SLC6A18: variants seen among roughly 807,000 people sequenced by gnomAD.
The protein encoded by SLC6A18 is inactive sodium-dependent neutral amino acid transporter B(0)AT3.
A neutral mutation model predicts 62.9 loss-of-function variants in SLC6A18; 58 were observed. The observed-to-expected ratio is 0.92, with a 90% CI of 0.75 to 1.15. The LOEUF (loss-of-function observed/expected upper bound fraction) is 1.15. Ranked by LOEUF, SLC6A18 falls within the 50% of genes most tolerant of loss-of-function variation. The probability of loss-of-function intolerance (pLI) is 0.00; values close to 1 mark genes in which losing one functional copy is unlikely to be tolerated. For missense variants in SLC6A18, 793 were observed against 836.6 expected, an observed-to-expected ratio of 0.95 and a Z score of 0.64; for synonymous variants, 382 against 365.8, an observed-to-expected ratio of 1.04 and a Z score of -0.51.
chr5:1,243,048 C>T lies in SLC6A18; in HGVS notation c.1131+185C>T, dbSNP rs981601491. 6.6e-6 allele frequency among the ~76,000 whole-genome samples: 1 copy of T among 152,226 alleles called. No individual in the cohort carries two copies. Among genetic ancestry groups the T allele is most frequent in the African/African-American group, 2.4e-5 (1 of 41,458 alleles). On this transcript the variant is annotated intron_variant, in intron 8 of 11. Transcript: ENST00000324642. The surrounding 1 kb of genome is among the most constrained non-coding windows in gnomAD (Gnocchi z 6.5). ...CAGGCCTCCTGGAAAGCCCGAAGTC[C>T]TGGGGGCAGCTGTGTCCAGCAGACG...
chr5:1,239,536 C>G lies in SLC6A18; in HGVS notation c.819C>G (p.Ile273Met), dbSNP rs372856146. The change falls in exon 6 of 12, where the codon ATC (isoleucine) becomes ATG (methionine). Residue 273 changes from isoleucine to methionine, a missense_variant. Ile to Met is a conservative substitution (Grantham distance 10). Transcript: ENST00000324642. ...TGTCCCTGGCCTTCGGAGGACACAT[C>G]GCTTTTGCAAGTTACAACTCGCCCA... ...FSLSLAFGGH[I>M]AFASYNSPRN... The G allele has an allele frequency of 4.3e-6, 7 of 1,613,986 alleles. No homozygotes were observed. In the African/African-American group the frequency reaches 8.0e-5, roughly 18 times the overall value.
Position 1,225,514 on chromosome 5 carries a change from G to A in SLC6A18, c.37G>A (p.Asp13Asn), listed in dbSNP as rs148200333. The change falls in exon 1 of 12, where the codon GAC becomes AAC. Residue 13 changes from aspartate (D) to asparagine (N), a missense_variant. By Grantham distance (23) the Asp-to-Asn change is conservative (BLOSUM62 1). Coordinates refer to ENST00000324642, the MANE Select transcript of SLC6A18 (RefSeq NM_182632.3). ...HAPEPDPAACDLGDERPKWDN... is the reference protein window; with the variant it reads ...HAPEPDPAACNLGDERPKWDN... ...CCCAGAACCGGACCCGGCCGCCTGC[G>A]ACCTCGGGGATGAGAGGCCCAAGTG... The A allele has an allele frequency of 6.2e-6, 10 of 1,613,408 alleles. No homozygotes were observed. Among genetic ancestry groups the A allele is most frequent in the Middle Eastern group, 1.7e-4 (1 of 5,978 alleles).
At chr5:1,232,013 T>C (rs1041291250) in intron 1 of SLC6A18, among the ~76,000 whole-genome samples, 2 of 152,218 alleles carry the variant, frequency 1.3e-5, no homozygotes, top group Non-Finnish European at 2.9e-5. Flanking sequence ...GCCCTCTTGA[T>C]GAGAGGTCTC....
intron 1 of SLC6A18, among the ~76,000 whole-genome samples, chr5:1,228,715 TATAAAA>T (rs954885725): frequency 6.6e-6 from 1 of 152,082 alleles, no homozygotes; most frequent in Non-Finnish European, 1.5e-5. Context: ...CCATAAAAAA[TATAAAA>T]ATTAGCCGGG....
At chr5:1,239,638 C>A in intron 6 of SLC6A18, 76 bp downstream of exon 6, 1 of 1,131,634 alleles carries the variant, frequency 8.8e-7, no homozygotes, top group Non-Finnish European at 1.3e-6. Context: ...CTCAGGATCA[C>A]ACTGTGGATC....
rs145619230 is a variant in SLC6A18 at position 1,242,764 on chromosome 5, C to A, written c.1032C>A (p.Asp344Glu). 5.5e-5 allele frequency: 89 copies of A among 1,613,920 alleles called. 1 individual carries two copies. In the South Asian group the frequency reaches 9.1e-4, roughly 17 times the overall value. ...TCCCAGAGCAGAGCATCTCCAGGGA[C>A]GACTACCCAGCCGTCCTCATGCACC... ...FDFPEQSISR[D>E]DYPAVLMHLN... Residue 344 changes from aspartate to glutamate, a missense_variant, in exon 8 of 12, where the codon GAC becomes GAA. By Grantham distance (45) the Asp-to-Glu change is conservative (BLOSUM62 2). Coordinates refer to ENST00000324642, the MANE Select transcript of SLC6A18 (RefSeq NM_182632.3).
At chr5:1,234,023 G>A (rs956004503) in intron 3 of SLC6A18, among the ~76,000 whole-genome samples, 4 of 152,128 alleles carry the variant, frequency 2.6e-5, no homozygotes, top group Non-Finnish European at 5.9e-5. Flanking sequence ...TTACAGGCGT[G>A]AGCCACCGCG....
chr5:1,243,721 G>A lies in SLC6A18; in HGVS notation c.1298G>A (p.Gly433Glu). The A allele has an allele frequency of 6.2e-7, 1 of 1,613,396 alleles. No individual in the cohort carries two copies. Among genetic ancestry groups the A allele is most frequent in the Non-Finnish European group, 8.5e-7 (1 of 1,179,816 alleles). ...EAVITPLLDV[G>E]VLPRWVPKEA... is the part of the protein sequence containing the mutation. ...GTCATCACACCCCTGCTGGACGTGG[G>A]GGTCCTGCCTAGATGGGTCCCCAAG... is the stretch of plus-strand genomic sequence containing the variant. Residue 433 changes from glycine to glutamate, a missense_variant, in exon 9 of 12, where the codon GGG (glycine) becomes GAG (glutamate). By Grantham distance (98) the Gly-to-Glu change is moderately conservative. Transcript: ENST00000324642. The surrounding 1 kb of genome is among the most constrained non-coding windows in gnomAD (Gnocchi z 6.5).
At chr5:1,232,053 T>G (rs1746742901) in intron 1 of SLC6A18, among the ~76,000 whole-genome samples, 166 bp from the exon 2 acceptor site, 1 of 152,180 alleles carries the variant, frequency 6.6e-6, no homozygotes, top group Non-Finnish European at 1.5e-5. Context: ...GAGGCAGGGT[T>G]TGGCAACCCA....
intron 1 of SLC6A18, among the ~76,000 whole-genome samples, chr5:1,230,857 A>G (rs1746714438): frequency 6.6e-6 from 1 of 152,170 alleles, no homozygotes; most frequent in Admixed American, 6.5e-5. Context: ...GGAGGAGTCA[A>G]CAGCCCTGGG....
chr5:1,237,893 G>T (rs1043767471), intron 4 of SLC6A18, 57 bp from the exon 5 acceptor site: 15 of 1,381,746 alleles, frequency 1.1e-5, no homozygotes, highest in Middle Eastern at 3.6e-4. Context: ...CTTCTCTGAG[G>T]CTTGTGGACA....
intron 3 of SLC6A18, among the ~76,000 whole-genome samples, chr5:1,233,232 C>T (rs1746782947): frequency 6.6e-6 from 1 of 152,198 alleles, no homozygotes; most frequent in South Asian, 2.1e-4. Context: ...CAACCCAGCA[C>T]TTAGGGAGGC....
intron 7 of SLC6A18, among the ~76,000 whole-genome samples, chr5:1,242,310 C>T (rs1478891883): frequency 6.6e-6 from 1 of 152,224 alleles, no homozygotes; most frequent in Non-Finnish European, 1.5e-5. Context: ...CCTACCAGTG[C>T]CGCCCTGTCA....
At chr5:1,238,413 TGGGGCC>T (rs1746953996) in intron 5 of SLC6A18, among the ~76,000 whole-genome samples, 2 of 79,002 alleles carry the variant, frequency 2.5e-5, no homozygotes, top group Non-Finnish European at 4.5e-5. Context: ...GGAGTGGGCC[TGGGGCC>T]TCAGGAAAGA....
rs1193454081 is a variant in SLC6A18 at position 1,244,638 on chromosome 5, G to C, written c.1527G>C (p.Gly509=). ...RFCDDIAWMT[G]RRPSPYWRLT... Reference sequence around the variant, plus strand: ...GCGATGACATTGCGTGGATGACCGGGAGGCGGCCCAGCCCCTACTGGCGGC... The same window carrying C: ...GCGATGACATTGCGTGGATGACCGGCAGGCGGCCCAGCCCCTACTGGCGGC... Residue 509 remains glycine, a synonymous_variant, in exon 11 of 12, where the codon GGG becomes GGC. Coordinates refer to ENST00000324642, the MANE Select transcript of SLC6A18 (RefSeq NM_182632.3). 17 of 1,607,412 alleles carry C rather than the reference G, an allele frequency of 1.1e-5. No individual in the cohort carries two copies. The highest frequency in any genetic ancestry group is 1.3e-5 in the Non-Finnish European group (15 of 1,175,230).
chr5:1,232,100 GCCC>G (rs1746743990), intron 1 of SLC6A18, 116 bp from the exon 2 acceptor site: 4 of 865,554 alleles, frequency 4.6e-6, no homozygotes. Flanking sequence ...CCCAAGTGGT[GCCC>G]CCAACATTCA....
rs554970453 is a variant in SLC6A18 at position 1,243,962 on chromosome 5, C to T, written c.1336+203C>T. Reference sequence around the variant, plus strand: ...AGGGAGGGTCAGGGCTGCCCCTCCCCCACGGCCCCGGAGGCCACATCCCCC... The same window carrying T: ...AGGGAGGGTCAGGGCTGCCCCTCCCTCACGGCCCCGGAGGCCACATCCCCC... On this transcript the variant is annotated intron_variant, in intron 9 of 11. Coordinates refer to ENST00000324642, the MANE Select transcript of SLC6A18 (RefSeq NM_182632.3). This position sits in a 1 kb window ranked among gnomAD's most constrained non-coding sequence, Gnocchi z 6.5. 2.0e-5 allele frequency among the ~76,000 whole-genome samples: 3 copies of T among 152,156 alleles called. No individual in the cohort carries two copies. Among genetic ancestry groups the T allele is most frequent in the South Asian group, 4.1e-4 (2 of 4,836 alleles).
At position 1,241,910 on chromosome 5, in the gene SLC6A18, T is replaced by C. The variant is rs889977759; in HGVS notation, c.975-797T>C. On this transcript the variant is annotated intron_variant, in intron 7 of 11. Transcript: ENST00000324642. The surrounding 1 kb of genome is among the most constrained non-coding windows in gnomAD (Gnocchi z 7.8). ...GCCCAAGCTGGCCTCGTGTGCCACATGGGGCTAGAAGTGAGGGGAGCGAGG... is the reference window on the plus strand; with the variant it reads ...GCCCAAGCTGGCCTCGTGTGCCACACGGGGCTAGAAGTGAGGGGAGCGAGG... Among the ~76,000 whole-genome samples, 2 of 152,218 alleles carry C rather than the reference T, an allele frequency of 1.3e-5. No individual in the cohort carries two copies. Among genetic ancestry groups the C allele is most frequent in the African/African-American group, 4.8e-5 (2 of 41,468 alleles).
chr5:1,225,471 A>G lies in SLC6A18; in HGVS notation c.-7A>G. 6.2e-7 allele frequency: 1 copy of G among 1,609,600 alleles called. No individual in the cohort carries two copies. Among genetic ancestry groups the G allele is most frequent in the Non-Finnish European group, 8.5e-7 (1 of 1,178,374 alleles). ...CCTTGCCCTGAAGCCTGGGGCACTC[A>G]GTCACCATGGCTCATGCCCCAGAAC... On this transcript the variant is annotated 5_prime_UTR_variant, in exon 1 of 12. Transcript: ENST00000324642.
Sources: gnomAD v4.1 joint callset for allele counts (sites outside exome capture counted in the v4.1 genomes callset) on GRCh38, gnomAD v4.1.1 for gene constraint, Gnocchi (gnomAD v3.1) non-coding constraint, MANE v1.5 for transcripts, NCBI Gene and HGNC (gene_info 2026-07-23, HGNC 2026-07-21) for gene names.